Variants in PTGES2 observed in about 807,000 individuals in gnomAD.
PTGES2 encodes the protein prostaglandin E synthase 2, also known as GATE-binding factor 1.
In PTGES2, 35 loss-of-function variants were observed where a neutral mutation model predicts 44.5. That is an observed-to-expected ratio of 0.79 (90% CI 0.60 to 1.04). The LOEUF (loss-of-function observed/expected upper bound fraction) is 1.04. Ranked by LOEUF, PTGES2 falls within the 50% of genes least tolerant of loss-of-function variation. The pLI is 0.00. For synonymous variants in PTGES2, 221 were observed against 227.5 expected, an observed-to-expected ratio of 0.97 and a Z score of 0.26; for missense variants, 517 against 521.4, an observed-to-expected ratio of 0.99 and a Z score of 0.08.
intron 5 of PTGES2, 75 bp downstream of exon 5, chr9:128,122,859 G>C: frequency 2.0e-6 from 3 of 1,495,826 alleles, no homozygotes; most frequent in Non-Finnish European, 1.9e-6. Flanking sequence ...CTCCTGAGGG[G>C]TGTGATGGGA....
In PTGES2 at chr9:128,123,658, C is replaced by G. The variant is rs1468343213; in HGVS notation, c.686+44G>C. ...AGCTTGGTCCTACTCTACAGAAGAC[C>G]CCTGCGGTCACCACCTTCCCCCGCC... On this transcript the variant is annotated intron_variant, in intron 4 of 6. Coordinates refer to ENST00000338961, the MANE Select transcript of PTGES2 (RefSeq NM_025072.7). The surrounding 1 kb of genome is among the most constrained non-coding windows in gnomAD (Gnocchi z 4.4). 3 of 1,590,546 alleles carry G rather than the reference C, an allele frequency of 1.9e-6. No homozygotes were observed. Among genetic ancestry groups the G allele is most frequent in the Non-Finnish European group, 2.6e-6 (3 of 1,165,110 alleles).
rs769169593 is a variant in PTGES2, at chr9:128,125,307, A to G, written c.414T>C (p.Ala138=). The change falls in exon 2 of 7, where the codon GCT becomes GCC. Residue 138 remains alanine (A), a synonymous_variant. Transcript: ENST00000338961. ...QVVEVNPVRR[A]EIKFSSYRKV... is the part of the protein sequence containing the mutation. ...TTCTGTAGGAGGAGAACTTGATCTC[A>G]GCCCTGCGCACAGGGTTCACCTCCA... 8 of 1,613,654 alleles carry G rather than the reference A, an allele frequency of 5.0e-6. No homozygotes were observed. The highest frequency in any genetic ancestry group is 1.7e-5 in the Admixed American group (1 of 59,950).
Position 128,125,510 on chromosome 9 carries a change from G to A in PTGES2, c.280-69C>T, listed in dbSNP as rs971693631. The A allele has an allele frequency of 2.1e-6, 3 of 1,443,278 alleles. No homozygotes were observed. The African/African-American group carries it at 4.2e-5, about 20-fold the overall frequency. The allele number at this position is 1,443,278 out of a possible 1,614,324, so 89.4% of individuals were successfully genotyped here. ...AGGCCCAGGCCCTGCCCCCAAGGGT[G>A]TTTTCCAGAGGAGTCTTCTGAAATG... On this transcript the variant is annotated intron_variant, in intron 1 of 6. Transcript: ENST00000338961.
In PTGES2 at chr9:128,123,553, G is replaced by A. The variant is rs2130850504; in HGVS notation, c.686+149C>T. ...GAGCCACCACGCCCGGCTGCAGGAAGGTCTCTACTGAAATCCGGCATGGCC... is the reference window on the plus strand; with the variant it reads ...GAGCCACCACGCCCGGCTGCAGGAAAGTCTCTACTGAAATCCGGCATGGCC... On this transcript the variant is annotated intron_variant, in intron 4 of 6. Transcript: ENST00000338961. This position sits in a 1 kb window ranked among gnomAD's most constrained non-coding sequence, Gnocchi z 4.4. 2 of 797,494 alleles carry A rather than the reference G, an allele frequency of 2.5e-6. No homozygotes were observed. The highest frequency in any genetic ancestry group is 2.8e-5 in the Admixed American group (1 of 36,046). 49.4% of individuals were successfully genotyped at this position (797,494 alleles called of 1,614,324 possible).
intron 3 of PTGES2, 40 bp downstream of exon 3, chr9:128,124,452 C>T (rs1030417281): frequency 3.1e-6 from 5 of 1,602,952 alleles, no homozygotes; most frequent in Admixed American, 3.4e-5. Context: ...GAGGAAGCCA[C>T]CAAAAGCAAT....
chr9:128,126,976 C>A (rs1306989017), intron 1 of PTGES2, among the ~76,000 whole-genome samples: 1 of 151,640 alleles, frequency 6.6e-6, no homozygotes, highest in Non-Finnish European at 1.5e-5. Flanking sequence ...GCCAGGAGTT[C>A]GAGACCAGCC....
rs1382346225 is a variant in PTGES2 at position 128,127,634 on chromosome 9, C to A, written c.84G>T (p.Pro28=). 3.2e-6 allele frequency: 4 copies of A among 1,267,896 alleles called. No individual in the cohort carries two copies. Among genetic ancestry groups the A allele is most frequent in the East Asian group, 6.3e-5 (2 of 31,666 alleles). 78.5% of individuals were successfully genotyped at this position (1,267,896 alleles called of 1,614,324 possible). The change falls in exon 1 of 7, where the codon CCG becomes CCT. Residue 28 remains proline, a synonymous_variant. Transcript: ENST00000338961. The part of the protein sequence containing the change: ...LAWRLGGRPQ[P]LLPTQSRAGF... Reference sequence around the variant, plus strand: ...CAGCCCGGCTCTGCGTGGGTAGCAGCGGCTGGGGGCGGCCTCCCAGCCTCC... The same window carrying A: ...CAGCCCGGCTCTGCGTGGGTAGCAGAGGCTGGGGGCGGCCTCCCAGCCTCC...
rs1470541119 is a variant in PTGES2 at position 128,123,945 on chromosome 9, G to C, written c.537-94C>G. 2.1e-6 allele frequency: 3 copies of C among 1,428,938 alleles called. No individual in the cohort carries two copies. Among genetic ancestry groups the C allele is most frequent in the Non-Finnish European group, 2.9e-6 (3 of 1,035,792 alleles). The allele number at this position is 1,428,938 out of a possible 1,614,324, so 88.5% of individuals were successfully genotyped here. A position where few individuals can be genotyped will look rare whatever the true frequency, so the allele number is the denominator to read the frequency against. On this transcript the variant is annotated intron_variant, in intron 3 of 6. Coordinates refer to ENST00000338961, the MANE Select transcript of PTGES2 (RefSeq NM_025072.7). The surrounding 1 kb of genome is among the most constrained non-coding windows in gnomAD (Gnocchi z 4.4). ...TGCCCCAGCCTCAGAGTGGAGCCAG[G>C]ACCAACAAAGGCTCTCCGGACTCTT...
chr9:128,122,279 C>T (rs1275301469), intron 6 of PTGES2, 83 bp downstream of exon 6: 18 of 1,080,830 alleles, frequency 1.7e-5, no homozygotes, highest in East Asian at 4.8e-5. Flanking sequence ...ATGCAAGCAC[C>T]GTCCAGGCTT....
chr9:128,124,802 G>A (rs1455999357), intron 2 of PTGES2: 2 of 1,299,312 alleles, frequency 1.5e-6, no homozygotes, highest in South Asian at 1.7e-5. Flanking sequence ...CAGGTAGAGG[G>A]GCAGGGTGGG....
Position 128,124,485 on chromosome 9 carries a change from T to C in PTGES2, c.536+7A>G. The C allele has an allele frequency of 1.2e-6, 2 of 1,613,234 alleles. No homozygotes were observed. The highest frequency in any genetic ancestry group is 1.7e-6 in the Non-Finnish European group (2 of 1,179,490). On this transcript the variant is annotated splice_region_variant and intron_variant, in intron 3 of 6. Transcript: ENST00000338961. The stretch of plus-strand genomic sequence containing the variant: ...AATGGCCACCTGGTCTCCGAGGGGC[T>C]CCTTACCCCGACACCAGGTAGGTCT...
chr9:128,121,040 G>T lies in PTGES2; in HGVS notation c.*105C>A, dbSNP rs1047453. 16 of 1,433,744 alleles carry T rather than the reference G, an allele frequency of 1.1e-5. No homozygotes were observed. Among genetic ancestry groups the T allele is most frequent in the Non-Finnish European group, 1.4e-5 (15 of 1,059,076 alleles). The allele number at this position is 1,433,744 out of a possible 1,614,324, so 88.8% of individuals were successfully genotyped here. A position where few individuals can be genotyped will look rare whatever the true frequency, so the allele number is the denominator to read the frequency against. ...GGTGGGGGTGCGTGGACAAGGGGCA[G>T]AATGATCCTGCCCCCAACCAGTATC... On this transcript the variant is annotated 3_prime_UTR_variant, in exon 7 of 7. Coordinates refer to ENST00000338961, the MANE Select transcript of PTGES2 (RefSeq NM_025072.7).
intron 6 of PTGES2, 122 bp from the exon 7 acceptor site, chr9:128,121,395 CAAGG>C: frequency 8.2e-7 from 1 of 1,215,324 alleles, no homozygotes; most frequent in Non-Finnish European, 1.1e-6. Flanking sequence ...GTGACCCACT[CAAGG>C]GCCAACAGCA....
intron 3 of PTGES2, 108 bp downstream of exon 3, chr9:128,124,384 G>A: frequency 3.0e-6 from 3 of 995,382 alleles, no homozygotes; most frequent in Non-Finnish European, 4.6e-6. Context: ...CTGTACTCTG[G>A]AAATCTAAGC....
chr9:128,123,820 G>T lies in PTGES2; in HGVS notation c.568C>A (p.Pro190Thr). 6.2e-7 allele frequency: 1 copy of T among 1,614,062 alleles called. No individual in the cohort carries two copies. Among genetic ancestry groups the T allele is most frequent in the Non-Finnish European group, 8.5e-7 (1 of 1,179,978 alleles). The change falls in exon 4 of 7, where the codon CCA becomes ACA. Residue 190 changes from proline to threonine, a missense_variant. Physicochemically the swap from Pro to Thr is conservative, Grantham distance 38. Transcript: ENST00000338961. This position sits in a 1 kb window ranked among gnomAD's most constrained non-coding sequence, Gnocchi z 4.4. ...TGCTCGTTCACAGCCTTCATGGCTG[G>T]GTAGTAGGTGATGATCTCTTCCAGG... ...QPLEEIITYY[P>T]AMKAVNEQGK...
In PTGES2 at chr9:128,123,165, G is replaced by A. The variant is rs748872698; in HGVS notation, c.687-31C>T. The A allele has an allele frequency of 8.8e-6, 14 of 1,598,604 alleles. No homozygotes were observed. The highest frequency in any genetic ancestry group is 5.5e-5 in the South Asian group (5 of 90,716). On this transcript the variant is annotated intron_variant, in intron 4 of 6. Transcript: ENST00000338961. The surrounding 1 kb of genome is among the most constrained non-coding windows in gnomAD (Gnocchi z 4.4). ...GGCACGGGAGGGACTTCCTAAGCCAGGACCCGGGCTGTGTTGGGAGCAGGC... is the reference window on the plus strand; with the variant it reads ...GGCACGGGAGGGACTTCCTAAGCCAAGACCCGGGCTGTGTTGGGAGCAGGC...
Position 128,121,096 on chromosome 9 carries a change from T to A in PTGES2, c.*49A>T, listed in dbSNP as rs776574800. On this transcript the variant is annotated 3_prime_UTR_variant, in exon 7 of 7. Coordinates refer to ENST00000338961, the MANE Select transcript of PTGES2 (RefSeq NM_025072.7). ...GCGCTGGCCCAGTGGCCCCAGGCCC[T>A]GGCAGCTGGCGTCTTCCGCTGCCTT... The A allele has an allele frequency of 1.3e-6, 2 of 1,553,140 alleles. No homozygotes were observed. The highest frequency in any genetic ancestry group is 1.2e-5 in the South Asian group (1 of 84,224).
chr9:128,128,226 GA>G, upstream of PTGES2: 1 of 441,444 alleles, frequency 2.3e-6, no homozygotes, highest in Middle Eastern at 3.4e-4. Flanking sequence ...ACTGTGACCC[GA>G]ACCATAAAAT....
At chr9:128,122,094 G>A (rs1342532637) in intron 6 of PTGES2, among the ~76,000 whole-genome samples, 1 of 152,152 alleles carries the variant, frequency 6.6e-6, no homozygotes, top group Non-Finnish European at 1.5e-5. Flanking sequence ...TAGAGCTTGG[G>A]CTCTGGTAAC....
Sources: gnomAD v4.1 joint callset for allele counts (sites outside exome capture counted in the v4.1 genomes callset) on GRCh38, gnomAD v4.1.1 for gene constraint, Gnocchi (gnomAD v3.1) non-coding constraint, MANE v1.5 for transcripts, NCBI Gene and HGNC (gene_info 2026-07-23, HGNC 2026-07-21) for gene names.